LIMD1: variants seen among roughly 807,000 people sequenced by gnomAD.
LIMD1 encodes LIM domain containing 1, also known as LIM domain-containing protein 1.
In LIMD1, 23 loss-of-function variants were observed where a neutral mutation model predicts 58.4. The ratio of observed to expected loss-of-function variants is 0.39; its 90% CI spans 0.28 to 0.56. The LOEUF (loss-of-function observed/expected upper bound fraction) is 0.56. LIMD1 is among the 20% of genes least tolerant of loss of function. The pLI is 0.57. For synonymous variants in LIMD1, 334 were observed against 345.5 expected (o/e 0.97, Z 0.37); for missense variants, 838 against 855.5 (o/e 0.98, Z 0.25).
intron 1 of LIMD1, among the ~76,000 whole-genome samples, chr3:45,629,159 T>G (rs1701701368): frequency 6.6e-6 from 1 of 151,996 alleles, no homozygotes; most frequent in Non-Finnish European, 1.5e-5. Flanking sequence ...CACGCCTGTA[T>G]TCCCAGCACT....
chr3:45,646,035 A>G (rs1351207143), intron 2 of LIMD1, among the ~76,000 whole-genome samples: 3 of 146,276 alleles, frequency 2.1e-5, no homozygotes, highest in African/African-American at 7.3e-5. Flanking sequence ...GTCTCAAAAA[A>G]AAAAAAAAAA....
chr3:45,595,676 C>A lies in LIMD1; in HGVS notation c.797C>A (p.Ala266Asp), dbSNP rs1215938389. 1.9e-6 allele frequency: 3 copies of A among 1,614,064 alleles called. No individual in the cohort carries two copies. Among genetic ancestry groups the A allele is most frequent in the Non-Finnish European group, 1.7e-6 (2 of 1,180,042 alleles). The change falls in exon 1 of 8, where the codon GCC becomes GAC. Residue 266 changes from alanine to aspartate, a missense_variant. Ala to Asp is a moderately radical substitution (Grantham distance 126). Coordinates refer to ENST00000273317, the MANE Select transcript of LIMD1 (RefSeq NM_014240.3). ...AAGCCAACAGGCCTTTGGTCCACTG[C>A]CTCCTCCCAGCGGGTGAGCCCTGGC... ...SEKPTGLWST[A>D]SSQRVSPGLP...
chr3:45,649,487 C>G (rs1053257614), intron 2 of LIMD1, among the ~76,000 whole-genome samples: 1 of 151,636 alleles, frequency 6.6e-6, no homozygotes, highest in African/African-American at 2.4e-5. Context: ...CGAGACCATC[C>G]TGACTAACAT....
intron 1 of LIMD1, among the ~76,000 whole-genome samples, chr3:45,631,002 C>T (rs1003242477): frequency 6.6e-6 from 1 of 152,010 alleles, no homozygotes; most frequent in Non-Finnish European, 1.5e-5. Context: ...TCAGGAGTTC[C>T]AGACCAGCCT....
intron 2 of LIMD1, among the ~76,000 whole-genome samples, chr3:45,645,133 A>G (rs2125661365): frequency 6.6e-6 from 1 of 152,348 alleles, no homozygotes; most frequent in South Asian, 2.1e-4. Context: ...AAGCAACCAA[A>G]ATAGGCTGGA....
At chr3:45,665,463 C>T (rs1421149156) in intron 2 of LIMD1, among the ~76,000 whole-genome samples, 187 bp from the exon 3 acceptor site, 2 of 152,184 alleles carry the variant, frequency 1.3e-5, no homozygotes, top group Non-Finnish European at 2.9e-5. Context: ...ACCCTTCCTC[C>T]CGGCCTCAGC....
rs567096445 is a variant in LIMD1, at chr3:45,639,472, A to G, written c.1510+3221A>G. ...TATTTCTCACAGTTCTAGATGCTGG[A>G]AAGTCCAAGATCAAGGTGCTGGCAG... On this transcript the variant is annotated intron_variant, in intron 2 of 7. Coordinates refer to ENST00000273317, the MANE Select transcript of LIMD1 (RefSeq NM_014240.3). 3.9e-5 allele frequency among the ~76,000 whole-genome samples: 6 copies of G among 152,148 alleles called. No individual in the cohort carries two copies. In the South Asian group the frequency reaches 8.3e-4, roughly 21 times the overall value.
At chr3:45,674,559 T>TC in intron 7 of LIMD1, 148 bp downstream of exon 7, 1 of 624,950 alleles carries the variant, frequency 1.6e-6, no homozygotes, top group Non-Finnish European at 2.9e-6. Context: ...TGAAGGCTGG[T>TC]TCTTGGGGGA....
chr3:45,625,204 T>C (rs1478447632), intron 1 of LIMD1, among the ~76,000 whole-genome samples: 1 of 152,144 alleles, frequency 6.6e-6, no homozygotes, highest in Non-Finnish European at 1.5e-5. Context: ...TGAGGTTCCA[T>C]TGATACTTTT....
chr3:45,645,178 G>A (rs980529988), intron 2 of LIMD1, among the ~76,000 whole-genome samples: 4 of 152,164 alleles, frequency 2.6e-5, no homozygotes, highest in African/African-American at 9.7e-5. Flanking sequence ...GGAAGAGAGT[G>A]GAGGGGCCAC....
chr3:45,618,411 G>A (rs965666036), intron 1 of LIMD1, among the ~76,000 whole-genome samples: 2 of 152,174 alleles, frequency 1.3e-5, no homozygotes, highest in East Asian at 3.8e-4. Context: ...TCATTACCCA[G>A]TGGAGGAGTA....
intron 4 of LIMD1, among the ~76,000 whole-genome samples, chr3:45,668,752 CAA>C (rs36111259): frequency 1.9e-3 from 270 of 142,168 alleles, no homozygotes; most frequent in East Asian, 3.3e-3. Flanking sequence ...GACTCCACCT[CAA>C]AAAAAAAAAA....
At chr3:45,597,145 C>A (rs1263559146) in intron 1 of LIMD1, among the ~76,000 whole-genome samples, 1 of 152,150 alleles carries the variant, frequency 6.6e-6, no homozygotes, top group Non-Finnish European at 1.5e-5. Flanking sequence ...CAGGCGTGAG[C>A]CACCGCGCCT....
At chr3:45,649,886 T>A (rs1194398549) in intron 2 of LIMD1, among the ~76,000 whole-genome samples, 4,011 of 147,120 alleles carry the variant, frequency 0.027, 78 homozygotes, top group Non-Finnish European at 0.039. Context: ...TTTTTTTTTT[T>A]AATGAGAAAT....
In LIMD1 at chr3:45,622,424, T is replaced by G. The variant is rs78278551; in HGVS notation, c.1409-13726T>G. 4.4e-3 allele frequency among the ~76,000 whole-genome samples: 670 copies of G among 152,328 alleles called. 7 individuals carry two copies. Among genetic ancestry groups the G allele is most frequent in the African/African-American group, 0.015 (635 of 41,574 alleles). ...CACTGTGACTTTTCCTGTACACACA[T>G]ACCTATGATAAACTTTAAATTACAT... On this transcript the variant is annotated intron_variant, in intron 1 of 7. Coordinates refer to ENST00000273317, the MANE Select transcript of LIMD1 (RefSeq NM_014240.3).
In LIMD1 at chr3:45,594,909, G is replaced by T. The variant is rs762773830; in HGVS notation, c.30G>T (p.Glu10Asp). 1.2e-6 allele frequency: 2 copies of T among 1,611,690 alleles called. No homozygotes were observed. Among genetic ancestry groups the T allele is most frequent in the Non-Finnish European group, 1.7e-6 (2 of 1,179,572 alleles). ...ATAAGTATGACGACCTGGGCCTGGA[G>T]GCCAGTAAATTCATCGAGGACCTGA... MDKYDDLGL[E>D]ASKFIEDLNM... is the part of the protein sequence containing the mutation. Residue 10 changes from glutamate (E) to aspartate (D), a missense_variant, in exon 1 of 8, where the codon GAG becomes GAT. By Grantham distance (45) the Glu-to-Asp change is conservative. Transcript: ENST00000273317.
At chr3:45,672,865 G>C (rs1310425268) in intron 5 of LIMD1, 45 bp downstream of exon 5, 3 of 1,608,232 alleles carry the variant, frequency 1.9e-6, no homozygotes, top group Non-Finnish European at 2.6e-6. Context: ...TGTAGGCCAA[G>C]CTGATCTCAG....
At position 45,604,896 on chromosome 3, in the gene LIMD1, G is replaced by C. The variant is rs532784240; in HGVS notation, c.1408+8609G>C. Among the ~76,000 whole-genome samples the C allele has an allele frequency of 7.9e-4, 121 of 152,278 alleles. 1 individual carries two copies. Among genetic ancestry groups the C allele is most frequent in the African/African-American group, 2.8e-3 (117 of 41,532 alleles). ...AAGAATGTCTTGTTTCTTCCATCCA[G>C]CCCTCCTGCTCTTTCCATTAACAGT... On this transcript the variant is annotated intron_variant, in intron 1 of 7. Transcript: ENST00000273317.
rs187077497 is a variant in LIMD1, at chr3:45,630,041, T to G, written c.1409-6109T>G. Among the ~76,000 whole-genome samples the G allele has an allele frequency of 1.4e-3, 207 of 152,316 alleles. 2 individuals are homozygous for G. Among genetic ancestry groups the G allele is most frequent in the African/African-American group, 4.8e-3 (199 of 41,564 alleles). ...GGGCTAAAGGGGCAGTAAGTCTAAT[T>G]GCAGAGGAAAAATGCCCATCCCTTC... On this transcript the variant is annotated intron_variant, in intron 1 of 7. Coordinates refer to ENST00000273317, the MANE Select transcript of LIMD1 (RefSeq NM_014240.3).
Sources: allele counts gnomAD v4.1 joint callset (sites outside exome capture counted in the v4.1 genomes callset), GRCh38; gene constraint gnomAD v4.1.1; transcripts MANE v1.5; gene names NCBI Gene and HGNC (gene_info 2026-07-23, HGNC 2026-07-21).